Variants in TUSC3 observed in about 807,000 individuals in gnomAD.
The protein encoded by TUSC3 is dolichyl-diphosphooligosaccharide--protein glycosyltransferase subunit TUSC3.
In TUSC3, 45 loss-of-function variants were observed where a neutral mutation model predicts 44.8. That is an observed-to-expected ratio of 1.00 (90% CI 0.79 to 1.29). The LOEUF (loss-of-function observed/expected upper bound fraction) is 1.29, where lower values mean the gene tolerates loss of function less well. Among genes scored for constraint, TUSC3 ranks in the 50% most tolerant of loss-of-function variants. The pLI is 0.00. For synonymous variants in TUSC3, 212 were observed against 152.9 expected (o/e 1.39, Z -2.85); for missense variants, 519 against 437.9 (o/e 1.19, Z -1.65).
At chr8:15,537,993 G>C (rs1284883376), upstream of TUSC3, among the ~76,000 whole-genome samples, 1 of 152,194 alleles carries the variant, frequency 6.6e-6, no homozygotes, top group African/African-American at 2.4e-5. Flanking sequence ...AGCCTGGGGT[G>C]GTTGTGTAAG....
chr8:15,504,605 ATATATATATATATATATTTTTT>A (rs1435573826), intron 2 of TUSC3, among the ~76,000 whole-genome samples: 10 of 31,164 alleles, frequency 3.2e-4, no homozygotes, highest in South Asian at 1.3e-3. Flanking sequence ...ATATATATAT[ATATATATATATATATATTTTTT>A]TTTTTTTTTT....
intron 2 of TUSC3, among the ~76,000 whole-genome samples, chr8:15,515,546 A>G (rs1417791455): frequency 6.6e-6 from 1 of 152,226 alleles, no homozygotes; most frequent in African/African-American, 2.4e-5. Context: ...ATTAGAAACC[A>G]GATTTGAAGA....
rs118083588 is a variant in TUSC3 at position 15,543,617 on chromosome 8, T to A, written c.138+3049T>A. On this transcript the variant is annotated intron_variant, in intron 1 of 10. Transcript: ENST00000503731. ...TATATAAAGACTGTATATAAAATGC[T>A]TAGTGCAATGCGTAGGATATAATAA... Among the ~76,000 whole-genome samples, 98 of 152,212 alleles carry A rather than the reference T, an allele frequency of 6.4e-4. No homozygotes were observed. The East Asian group carries it at 0.018, about 28-fold the overall frequency.
At chr8:15,436,708 A>C (rs1015376810) in intron 1 of TUSC3, among the ~76,000 whole-genome samples, 3 of 152,348 alleles carry the variant, frequency 2.0e-5, no homozygotes, top group African/African-American at 7.2e-5. Context: ...AAAAAAATAC[A>C]CATTTCATAA....
chr8:15,750,703 A>G (rs74532083), intron 9 of TUSC3, among the ~76,000 whole-genome samples: 5,104 of 152,228 alleles, frequency 0.034, 147 homozygotes, highest in East Asian at 0.14. Context: ...CTGAACCAGC[A>G]TACATGCCAC....
rs372170233 is a variant in TUSC3, at chr8:15,649,493, A to G, written c.309-1204A>G. On this transcript the variant is annotated intron_variant, in intron 2 of 10. Transcript: ENST00000503731. Reference sequence around the variant, plus strand: ...CAGCTGCTTGGGAGGCTGAGGCAGGAGAATGGCATGATCCTGGGAGGCGGA... The same window carrying G: ...CAGCTGCTTGGGAGGCTGAGGCAGGGGAATGGCATGATCCTGGGAGGCGGA... Among the ~76,000 whole-genome samples the G allele has an allele frequency of 8.9e-4, 135 of 151,876 alleles. 1 individual carries two copies. Among genetic ancestry groups the G allele is most frequent in the African/African-American group, 1.7e-3 (70 of 41,416 alleles).
At chr8:15,448,965 A>G (rs1227216333) in intron 1 of TUSC3, among the ~76,000 whole-genome samples, 1 of 152,178 alleles carries the variant, frequency 6.6e-6, no homozygotes, top group Non-Finnish European at 1.5e-5. Flanking sequence ...GACTAATTGT[A>G]GAGTGTTTAG....
At chr8:15,780,571 T>C in the TUSC3 span, among the ~76,000 whole-genome samples, 1 of 152,214 alleles carries the variant, frequency 6.6e-6, no homozygotes, top group Non-Finnish European at 1.5e-5. Flanking sequence ...CAGCATACTC[T>C]GCCGCCTGTT....
the TUSC3 span, among the ~76,000 whole-genome samples, chr8:15,828,993 A>G: frequency 6.6e-6 from 1 of 152,196 alleles, no homozygotes; most frequent in Admixed American, 6.5e-5. Context: ...AAAGTATCCA[A>G]TTCTAGCAGA....
chr8:15,545,903 A>G (rs1050783875), intron 1 of TUSC3, among the ~76,000 whole-genome samples: 1 of 151,774 alleles, frequency 6.6e-6, no homozygotes, highest in Non-Finnish European at 1.5e-5. Flanking sequence ...ATGTCAGACT[A>G]TCTCAGACTA....
chr8:15,608,926 A>G (rs936095419), intron 1 of TUSC3, among the ~76,000 whole-genome samples: 3 of 152,170 alleles, frequency 2.0e-5, no homozygotes, highest in Admixed American at 1.3e-4. Flanking sequence ...TTCTACTCCC[A>G]AAAAACTTGA....
chr8:15,828,746 C>G, the TUSC3 span, among the ~76,000 whole-genome samples: 4 of 152,114 alleles, frequency 2.6e-5, no homozygotes, highest in Non-Finnish European at 4.4e-5. Flanking sequence ...TAATCCTTTG[C>G]CACATATTTA....
chr8:15,622,143 A>G (rs796851262), intron 1 of TUSC3, among the ~76,000 whole-genome samples: 28 of 152,236 alleles, frequency 1.8e-4, no homozygotes, highest in African/African-American at 6.7e-4. Flanking sequence ...GCACATTTCA[A>G]GCCTCCCTCT....
chr8:15,704,255 G>GTTTTTTTTTTT (rs373598712), intron 6 of TUSC3, among the ~76,000 whole-genome samples: 1 of 137,080 alleles, frequency 7.3e-6, no homozygotes, highest in African/African-American at 2.7e-5. Context: ...ATTCTTAATG[G>GTTTTTTTTTTT]TTTTTTTTTT....
chr8:15,543,492 C>T (rs574853971), intron 1 of TUSC3, among the ~76,000 whole-genome samples: 1 of 152,238 alleles, frequency 6.6e-6, no homozygotes, highest in East Asian at 1.9e-4. Context: ...ACGACAAACT[C>T]TCTGCATTTT....
At chr8:15,617,635 G>A (rs542216697) in intron 1 of TUSC3, among the ~76,000 whole-genome samples, 1 of 152,246 alleles carries the variant, frequency 6.6e-6, no homozygotes, top group South Asian at 2.1e-4. Flanking sequence ...ACATACCTCT[G>A]TGAGAAACAA....
chr8:15,706,051 A>T (rs1450777131), intron 6 of TUSC3, among the ~76,000 whole-genome samples: 2 of 152,008 alleles, frequency 1.3e-5, no homozygotes, highest in African/African-American at 4.8e-5. Flanking sequence ...TGTGAGTCTG[A>T]CAAAAACAGT....
chr8:15,507,265 T>G (rs535145631), intron 2 of TUSC3, among the ~76,000 whole-genome samples: 54 of 152,326 alleles, frequency 3.5e-4, no homozygotes, highest in African/African-American at 1.2e-3. Context: ...TTTGTCCTGT[T>G]GCATATTTTA....
intron 7 of TUSC3, among the ~76,000 whole-genome samples, chr8:15,731,192 G>A (rs145842068): frequency 0.018 from 2,747 of 152,212 alleles, 34 homozygotes; most frequent in Middle Eastern, 0.027. Flanking sequence ...GTCAGACTAA[G>A]TGTTGTGAAT....
Sources: allele counts gnomAD v4.1 joint callset (sites outside exome capture counted in the v4.1 genomes callset), GRCh38; gene constraint gnomAD v4.1.1; transcripts MANE v1.5; gene names NCBI Gene and HGNC (gene_info 2026-07-23, HGNC 2026-07-21).